The following SPATA13 variants were observed in gnomAD, a reference collection of about 807,000 sequenced individuals.
SPATA13 encodes the protein spermatogenesis associated 13.
In SPATA13, 50 loss-of-function variants were observed where a neutral mutation model predicts 104.0. The ratio of observed to expected loss-of-function variants is 0.48; its 90% confidence interval spans 0.38 to 0.61. The LOEUF is 0.61. Among genes scored for constraint, SPATA13 ranks in the 20% least tolerant of loss-of-function variants. The pLI is 0.00. For synonymous variants in SPATA13, 606 were observed against 667.5 expected (o/e 0.91, Z 1.42); for missense variants, 1,524 against 1,690.6 (o/e 0.90, Z 1.73).
chr13:24,121,997 C>A, intron 3 of SPATA13: 1 of 1,096,632 alleles, frequency 9.1e-7, no homozygotes, highest in East Asian at 2.4e-5. Flanking sequence ...TGAACCACTT[C>A]TGGAACCACT....
chr13:23,992,768 T>G (rs1452925399), intron 2 of SPATA13, among the ~76,000 whole-genome samples: 1 of 152,148 alleles, frequency 6.6e-6, no homozygotes, highest in African/African-American at 2.4e-5. Flanking sequence ...ACATCCATAG[T>G]TGGATGGAAC....
chr13:24,170,621 CTG>C (rs1882930392), intron 1 of SPATA13, among the ~76,000 whole-genome samples: 1 of 147,094 alleles, frequency 6.8e-6, no homozygotes, highest in African/African-American at 2.4e-5. Context: ...GAAGAACACT[CTG>C]TGTGAATTGG....
At chr13:24,081,441 T>C (rs1879511440) in intron 3 of SPATA13, among the ~76,000 whole-genome samples, 1 of 152,176 alleles carries the variant, frequency 6.6e-6, no homozygotes, top group Non-Finnish European at 1.5e-5. Context: ...AAATATAGTG[T>C]TGTAGCATGT....
Position 24,258,307 on chromosome 13 carries a change from G to A in SPATA13, c.2164+6445G>A, listed in dbSNP as rs142102973. ...AAAGCAAGTAAAAAGTGTCACAGAT[G>A]TGTGAAATTGGTCCTTGTTTATACC... On this transcript the variant is annotated intron_variant, in intron 4 of 12. Coordinates refer to ENST00000382108, the MANE Select transcript of SPATA13 (RefSeq NM_001166271.3). Among the ~76,000 whole-genome samples, 338 of 142,154 alleles carry A rather than the reference G, an allele frequency of 2.4e-3. 3 individuals carry two copies. Among genetic ancestry groups the A allele is most frequent in the African/African-American group, 8.5e-3 (324 of 38,252 alleles). 93.3% of individuals were successfully genotyped at this position (142,154 alleles called of 152,430 possible).
At chr13:24,066,833 T>G (rs1010117624) in intron 3 of SPATA13, among the ~76,000 whole-genome samples, 4 of 152,136 alleles carry the variant, frequency 2.6e-5, no homozygotes, top group Non-Finnish European at 5.9e-5. Flanking sequence ...CCGCCCTCTG[T>G]GGCAGCCAGA....
Position 24,051,073 on chromosome 13 carries a change from C to A in SPATA13, c.-112+33372C>A, listed in dbSNP as rs1409281339. Among the ~76,000 whole-genome samples the A allele has an allele frequency of 6.6e-6, 1 of 152,176 alleles. No individual in the cohort carries two copies. The highest frequency in any genetic ancestry group is 1.5e-5 in the Non-Finnish European group (1 of 68,028). ...ACCAGCTGGGTAGCTGTGGGAGCACCTCTTTCCTTCTCCGGATTTCCCCCA... is the reference window on the plus strand; with the variant it reads ...ACCAGCTGGGTAGCTGTGGGAGCACATCTTTCCTTCTCCGGATTTCCCCCA... On this transcript the variant is annotated intron_variant, in intron 3 of 14. Transcript: ENST00000424834. This position sits in a 1 kb window ranked among gnomAD's most constrained non-coding sequence, Gnocchi z 4.2.
chr13:24,105,459 A>C (rs1880412184), intron 3 of SPATA13, among the ~76,000 whole-genome samples: 1 of 119,474 alleles, frequency 8.4e-6, no homozygotes. Flanking sequence ...TTTTTTTTTG[A>C]CATATCAATT....
chr13:24,210,352 A>G (rs78431479), intron 1 of SPATA13, among the ~76,000 whole-genome samples: 2,390 of 152,290 alleles, frequency 0.016, 68 homozygotes, highest in African/African-American at 0.055. Context: ...TGCCAAGACC[A>G]GTGTCAAGGA....
At chr13:24,163,828 C>T (rs903851121) in intron 1 of SPATA13, among the ~76,000 whole-genome samples, 1 of 152,226 alleles carries the variant, frequency 6.6e-6, no homozygotes, top group African/African-American at 2.4e-5. Context: ...TCTCTGTTTG[C>T]TGCTGGAAGC....
At chr13:24,280,491 C>CTTT (rs57348867) in intron 4 of SPATA13, among the ~76,000 whole-genome samples, 40 of 145,022 alleles carry the variant, frequency 2.8e-4, no homozygotes, top group South Asian at 6.6e-4. Flanking sequence ...CTGAGATGCA[C>CTTT]TTTTTTTTTT....
At chr13:24,222,790 TA>T in intron 1 of SPATA13, 28 bp from the exon 2 acceptor site, 1 of 1,491,096 alleles carries the variant, frequency 6.7e-7, no homozygotes, top group South Asian at 1.4e-5. Context: ...GGGAAATGGC[TA>T]AACCGCCTGC....
At chr13:24,183,995 TG>T (rs1350988788) in intron 1 of SPATA13, among the ~76,000 whole-genome samples, 3 of 152,018 alleles carry the variant, frequency 2.0e-5, no homozygotes, top group Non-Finnish European at 2.9e-5. Context: ...AGGAGAAAAC[TG>T]AAACACACAG....
In SPATA13 at chr13:24,122,611, C is replaced by A. The variant is rs935470700; in HGVS notation, c.-111-100208C>A. 14 of 1,465,686 alleles carry A rather than the reference C, an allele frequency of 9.6e-6. No homozygotes were observed. The African/African-American group carries it at 1.3e-4, about 13-fold the overall frequency. The allele number at this position is 1,465,686 out of a possible 1,614,324, so 90.8% of individuals were successfully genotyped here. A position where few individuals can be genotyped will look rare whatever the true frequency, so the allele number is the denominator to read the frequency against. ...GCATGACACTCTGCATCTTCTCCTGCAACTCCTGTAAGAACCTTTTTGCAC... is the reference window on the plus strand; with the variant it reads ...GCATGACACTCTGCATCTTCTCCTGAAACTCCTGTAAGAACCTTTTTGCAC... On this transcript the variant is annotated intron_variant, in intron 3 of 14. Coordinates refer to the SPATA13 transcript ENST00000424834.
At chr13:24,288,454 A>G (rs1173957115) in intron 7 of SPATA13, among the ~76,000 whole-genome samples, 1 of 152,156 alleles carries the variant, frequency 6.6e-6, no homozygotes, top group East Asian at 1.9e-4. Flanking sequence ...GCTCCTACCT[A>G]AGCCATAGTA....
At position 24,030,183 on chromosome 13, in the gene SPATA13, A is replaced by T. The variant is rs1877419558; in HGVS notation, c.-112+12482A>T. Among the ~76,000 whole-genome samples the T allele has an allele frequency of 3.3e-5, 5 of 152,200 alleles. No individual in the cohort carries two copies. In the South Asian group the frequency reaches 1.0e-3, roughly 32 times the overall value. On this transcript the variant is annotated intron_variant, in intron 3 of 14. Transcript: ENST00000424834. ...GCTGATGAACCAACACTGACACATCATTGTCACCCAGAGTCCCTAGTTGAC... is the reference window on the plus strand; with the variant it reads ...GCTGATGAACCAACACTGACACATCTTTGTCACCCAGAGTCCCTAGTTGAC...
chr13:24,081,079 C>G (rs907972240), intron 3 of SPATA13, among the ~76,000 whole-genome samples: 3 of 152,162 alleles, frequency 2.0e-5, no homozygotes, highest in Non-Finnish European at 4.4e-5. Context: ...TATTTCCTGT[C>G]TATTATATGC....
intron 4 of SPATA13, among the ~76,000 whole-genome samples, chr13:24,267,071 C>A (rs1874332043): frequency 6.6e-6 from 1 of 152,144 alleles, no homozygotes; most frequent in South Asian, 2.1e-4. Flanking sequence ...AAAGTCCTAT[C>A]TCCTTGTTCT....
intron 4 of SPATA13, among the ~76,000 whole-genome samples, chr13:24,259,917 G>T (rs940588782): frequency 6.6e-6 from 1 of 152,132 alleles, no homozygotes; most frequent in African/African-American, 2.4e-5. Context: ...TGGGATTAGA[G>T]GTGTGAGCCA....
At chr13:24,029,396 C>A (rs997050330) in intron 3 of SPATA13, among the ~76,000 whole-genome samples, 1 of 152,068 alleles carries the variant, frequency 6.6e-6, no homozygotes, top group Non-Finnish European at 1.5e-5. Context: ...AATCAAGACC[C>A]AAATCCATGT....
Sources: allele counts gnomAD v4.1 joint callset (sites outside exome capture counted in the v4.1 genomes callset), GRCh38; gene constraint gnomAD v4.1.1; non-coding constraint Gnocchi (gnomAD v3.1); transcripts MANE v1.5; gene names NCBI Gene and HGNC (gene_info 2026-07-23, HGNC 2026-07-21).